The following NLRC4 variants were observed in gnomAD, a reference collection of about 807,000 sequenced individuals.
The protein encoded by NLRC4 is NLR family CARD domain containing 4, also known as NLR family CARD domain-containing protein 4.
Under a neutral mutation model 79.9 loss-of-function variants are expected in NLRC4, and 63 were observed. The observed-to-expected ratio is 0.79, with a 90% CI of 0.64 to 0.97. NLRC4 has a LOEUF of 0.97. Ranked by LOEUF, NLRC4 falls within the 50% of genes least tolerant of loss-of-function variation. NLRC4 has a pLI of 0.00. For synonymous variants in NLRC4, 461 were observed against 456.5 expected, an observed-to-expected ratio of 1.01 and a Z score of -0.12; for missense variants, 1,074 against 1,215.2, an observed-to-expected ratio of 0.88 and a Z score of 1.73.
chr2:32,234,903 T>C (rs1558447959), intron 8 of NLRC4, among the ~76,000 whole-genome samples: 1 of 152,256 alleles, frequency 6.6e-6, no homozygotes, highest in Non-Finnish European at 1.5e-5. Context: ...TGAAAACTAA[T>C]ACAGATAGTA....
intron 2 of NLRC4, among the ~76,000 whole-genome samples, chr2:32,253,695 T>G (rs1687138272): frequency 6.6e-6 from 1 of 151,804 alleles, no homozygotes; most frequent in South Asian, 2.1e-4. Flanking sequence ...CCGGGTGCGG[T>G]GGCTCACACC....
At chr2:32,225,767 TCACA>T (rs1489854820) in intron 8 of NLRC4, among the ~76,000 whole-genome samples, 5 of 152,174 alleles carry the variant, frequency 3.3e-5, no homozygotes, top group African/African-American at 1.2e-4. Context: ...CTCCAGAGTA[TCACA>T]CACAAAATGC....
At chr2:32,245,050 C>G (rs1686900121) in intron 4 of NLRC4, among the ~76,000 whole-genome samples, 1 of 151,984 alleles carries the variant, frequency 6.6e-6, no homozygotes, top group Non-Finnish European at 1.5e-5. Flanking sequence ...TGGCTCATGC[C>G]TGTAATCCCA....
intron 8 of NLRC4, among the ~76,000 whole-genome samples, chr2:32,233,140 GGA>G (rs1558446920): frequency 8.9e-3 from 117 of 13,128 alleles, no homozygotes; most frequent in African/African-American, 0.024. Flanking sequence ...GAGGGAGGAA[GGA>G]AGGAAGGAAG....
At chr2:32,257,139 T>C (rs1687225382) in intron 1 of NLRC4, among the ~76,000 whole-genome samples, 1 of 152,250 alleles carries the variant, frequency 6.6e-6, no homozygotes, top group African/African-American at 2.4e-5. Flanking sequence ...TTCTCATTTC[T>C]GCTGTTCAGA....
At chr2:32,239,578 T>C (rs1686749507) in intron 5 of NLRC4, among the ~76,000 whole-genome samples, 1 of 152,208 alleles carries the variant, frequency 6.6e-6, no homozygotes, top group Non-Finnish European at 1.5e-5. Context: ...AGGACTGTTG[T>C]GGGGATTCAA....
intron 6 of NLRC4, 40 bp from the exon 7 acceptor site, chr2:32,236,379 G>T (rs1686674251): frequency 3.1e-6 from 4 of 1,271,936 alleles, no homozygotes; most frequent in Non-Finnish European, 4.5e-6. Flanking sequence ...AGATTTTCAG[G>T]TAAATATAAA....
At chr2:32,245,310 C>CA (rs58301612) in intron 4 of NLRC4, among the ~76,000 whole-genome samples, 10,062 of 77,740 alleles carry the variant, frequency 0.13, 808 homozygotes, top group South Asian at 0.14. Context: ...GACTCCTTCT[C>CA]AAAAAAAAAA....
intron 8 of NLRC4, among the ~76,000 whole-genome samples, chr2:32,225,073 G>C (rs560180232): frequency 7.2e-4 from 109 of 152,110 alleles, no homozygotes; most frequent in African/African-American, 2.4e-3. Flanking sequence ...GAAATGGAAG[G>C]TTGCTTTAAT....
chr2:32,247,934 A>T (rs1196913203), intron 4 of NLRC4, among the ~76,000 whole-genome samples: 1 of 152,210 alleles, frequency 6.6e-6, no homozygotes, highest in Non-Finnish European at 1.5e-5. Flanking sequence ...AATACCATAT[A>T]TACTCACTTA....
At chr2:32,242,741 A>G (rs1686834140) in intron 4 of NLRC4, among the ~76,000 whole-genome samples, 1 of 152,188 alleles carries the variant, frequency 6.6e-6, no homozygotes, top group Admixed American at 6.5e-5. Context: ...AAAACCAGAA[A>G]AAGACGTAGA....
chr2:32,248,644 A>G (rs1686994247), intron 4 of NLRC4, among the ~76,000 whole-genome samples: 2 of 152,066 alleles, frequency 1.3e-5, no homozygotes, highest in Non-Finnish European at 1.5e-5. Context: ...ACATAGTGAG[A>G]CCTCATCTCC....
chr2:32,228,208 C>G (rs1686448432), intron 8 of NLRC4, among the ~76,000 whole-genome samples: 1 of 151,958 alleles, frequency 6.6e-6, no homozygotes, highest in Non-Finnish European at 1.5e-5. Context: ...GTCAGGGTAC[C>G]CTGGGAGCAC....
chr2:32,225,437 G>A (rs372993507), intron 8 of NLRC4, among the ~76,000 whole-genome samples: 9 of 110,570 alleles, frequency 8.1e-5, no homozygotes, highest in Non-Finnish European at 1.4e-4. Context: ...GTGTGTGTGT[G>A]TGTGTGTGTA....
At chr2:32,234,901 A>G (rs1686635653) in intron 8 of NLRC4, among the ~76,000 whole-genome samples, 1 of 152,218 alleles carries the variant, frequency 6.6e-6, no homozygotes, top group Non-Finnish European at 1.5e-5. Flanking sequence ...ATTGAAAACT[A>G]ATACAGATAG....
chr2:32,261,078 A>C (rs1178927865), intron 1 of NLRC4, among the ~76,000 whole-genome samples: 1 of 151,276 alleles, frequency 6.6e-6, no homozygotes, highest in Admixed American at 6.6e-5. Flanking sequence ...CTGTAGTCCC[A>C]GCTAATCGGG....
chr2:32,234,684 G>C (rs1326422392), intron 8 of NLRC4, among the ~76,000 whole-genome samples: 1 of 152,224 alleles, frequency 6.6e-6, no homozygotes, highest in East Asian at 1.9e-4. Flanking sequence ...TAATGATGAG[G>C]AAGTGAGGCC....
intron 8 of NLRC4, among the ~76,000 whole-genome samples, chr2:32,228,921 A>G (rs934842721): frequency 6.6e-6 from 1 of 151,848 alleles, no homozygotes; most frequent in Non-Finnish European, 1.5e-5. Context: ...TATGTGCACT[A>G]CGCCCAGCTA....
intron 2 of NLRC4, among the ~76,000 whole-genome samples, chr2:32,254,750 C>T (rs1687165721): frequency 6.6e-6 from 1 of 151,544 alleles, no homozygotes; most frequent in Non-Finnish European, 1.5e-5. Context: ...TCCCAAGCAG[C>T]TGGGATTACA....
Sources: allele counts gnomAD v4.1 joint callset (sites outside exome capture counted in the v4.1 genomes callset), GRCh38; gene constraint gnomAD v4.1.1; transcripts MANE v1.5; gene names NCBI Gene and HGNC (gene_info 2026-07-23, HGNC 2026-07-21).